Variants in MAPT observed in about 807,000 individuals in gnomAD.
MAPT encodes the protein microtubule associated protein tau, also known as microtubule-associated protein tau.
Under a neutral mutation model 67.9 loss-of-function variants are expected in MAPT, and 34 were observed. The ratio of observed to expected loss-of-function variants is 0.50; its 90% confidence interval spans 0.38 to 0.67. MAPT has a LOEUF of 0.67. Among genes scored for constraint, MAPT ranks in the 30% least tolerant of loss-of-function variants. MAPT has a pLI of 0.00. For missense variants in MAPT, 881 were observed against 1,115.2 expected (o/e 0.79, Z 2.99); for synonymous variants, 456 against 464.5 (o/e 0.98, Z 0.23).
intron 1 of MAPT, among the ~76,000 whole-genome samples, chr17:45,900,541 A>G (rs2063547051): frequency 6.6e-6 from 1 of 152,180 alleles, no homozygotes; most frequent in Non-Finnish European, 1.5e-5. Flanking sequence ...GCTGAGCCCA[A>G]TCAGGGACCC....
At chr17:46,014,455 G>A in intron 11 of MAPT, 131 bp downstream of exon 11, 1 of 740,166 alleles carries the variant, frequency 1.4e-6, no homozygotes. Flanking sequence ...ATCAAGGAAA[G>A]TGTTGAGTGT....
At chr17:45,978,621 T>C (rs2072630806) in intron 4 of MAPT, 181 bp downstream of exon 4, 2 of 594,306 alleles carry the variant, frequency 3.4e-6, no homozygotes, top group Admixed American at 6.0e-5. Context: ...GTGGTTTTTT[T>C]CTAATACCAT....
intron 1 of MAPT, among the ~76,000 whole-genome samples, chr17:45,961,844 C>T (rs913725309): frequency 9.9e-5 from 15 of 151,356 alleles, no homozygotes; most frequent in Admixed American, 4.6e-4. Context: ...GGTGTAATCT[C>T]AGCTCACTGC....
At chr17:46,004,266 T>G (rs1432305518) in intron 9 of MAPT, among the ~76,000 whole-genome samples, 1 of 152,196 alleles carries the variant, frequency 6.6e-6, no homozygotes, top group African/African-American at 2.4e-5. Flanking sequence ...TGGAACAGCC[T>G]TGAGAGAACT....
At chr17:45,929,144 A>G (rs1175252830) in intron 1 of MAPT, among the ~76,000 whole-genome samples, 2 of 152,196 alleles carry the variant, frequency 1.3e-5, no homozygotes, top group Non-Finnish European at 2.9e-5. Flanking sequence ...CCTCCCTAGA[A>G]GATAGGATGG....
intron 1 of MAPT, among the ~76,000 whole-genome samples, chr17:45,934,866 C>T (rs1029300740): frequency 6.6e-6 from 1 of 151,102 alleles, no homozygotes; most frequent in African/African-American, 2.4e-5. Context: ...GACCCTGGAC[C>T]TATGGCCTTT....
chr17:45,954,122 G>T (rs2145163971), intron 1 of MAPT, among the ~76,000 whole-genome samples: 1 of 152,298 alleles, frequency 6.6e-6, no homozygotes, highest in East Asian at 1.9e-4. Context: ...TTTTTAAGTG[G>T]TTGAAAAATG....
chr17:46,013,530 G>T (rs2075965008), intron 10 of MAPT, among the ~76,000 whole-genome samples: 2 of 152,224 alleles, frequency 1.3e-5, no homozygotes, highest in African/African-American at 4.8e-5. Flanking sequence ...GTTGGTTTCT[G>T]CTGTGCCACC....
Position 45,996,327 on chromosome 17 carries a change from C to T in MAPT, c.1733-72C>T, listed in dbSNP as rs939112845. The T allele has an allele frequency of 6.5e-7, 1 of 1,550,346 alleles. No homozygotes were observed. The highest frequency in any genetic ancestry group is 1.7e-5 in the Admixed American group (1 of 59,844). ...TGAGCCTGGGAATGGACCCACGGGA[C>T]AGGCAGCCCCCAGGGCCTTTTCTGA... On this transcript the variant is annotated intron_variant, in intron 8 of 12. Coordinates refer to ENST00000262410, the MANE Select transcript of MAPT (RefSeq NM_001377265.1). This position sits in a 1 kb window ranked among gnomAD's most constrained non-coding sequence, Gnocchi z 4.5.
chr17:46,004,534 T>C (rs1399805804), intron 9 of MAPT, among the ~76,000 whole-genome samples: 1 of 152,196 alleles, frequency 6.6e-6, no homozygotes, highest in Non-Finnish European at 1.5e-5. Flanking sequence ...GTAATATATA[T>C]GTTACTGTAG....
chr17:45,932,613 AAAG>A (rs1168131343), intron 1 of MAPT, among the ~76,000 whole-genome samples: 1 of 151,650 alleles, frequency 6.6e-6, no homozygotes, highest in Non-Finnish European at 1.5e-5. Context: ...AAAAAAAAAA[AAAG>A]AACTTACTCT....
At chr17:45,993,220 G>A (rs773023929) in intron 8 of MAPT, among the ~76,000 whole-genome samples, 3 of 152,232 alleles carry the variant, frequency 2.0e-5, no homozygotes, top group Admixed American at 6.5e-5. Context: ...GCCGTGCAGT[G>A]GCACCCCCAA....
At chr17:45,965,684 G>C (rs1461484388) in intron 2 of MAPT, among the ~76,000 whole-genome samples, 1 of 151,716 alleles carries the variant, frequency 6.6e-6, no homozygotes, top group African/African-American at 2.4e-5. Flanking sequence ...CCAAAGTGCT[G>C]GGATTGCAGG....
At chr17:46,012,519 G>A (rs561309158) in intron 10 of MAPT, among the ~76,000 whole-genome samples, 22 of 152,208 alleles carry the variant, frequency 1.4e-4, no homozygotes, top group Non-Finnish European at 2.8e-4. Flanking sequence ...CTGGCATCTG[G>A]GGGCACTGGA....
Position 45,996,497 on chromosome 17 carries a change from C to G in MAPT, c.1831C>G (p.Pro611Ala). The part of the protein sequence containing the change: ...RSRTPSLPTP[P>A]TREPKKVAVV... Reference sequence around the variant, plus strand: ...CCGCACCCCGTCCCTTCCAACCCCACCCACCCGGGAGCCCAAGAAGGTGGC... The same window carrying G: ...CCGCACCCCGTCCCTTCCAACCCCAGCCACCCGGGAGCCCAAGAAGGTGGC... Residue 611 changes from proline (P) to alanine (A), a missense_variant, in exon 9 of 13, where the codon CCC (proline) becomes GCC (alanine). Around this residue, in one of 6 missense-constraint regions of MAPT, gnomAD observed 33 missense variants for 76.0 expected, o/e 0.43. Transcript: ENST00000262410. This position sits in a 1 kb window ranked among gnomAD's most constrained non-coding sequence, Gnocchi z 4.5. The G allele has an allele frequency of 6.2e-7, 1 of 1,613,508 alleles. No individual in the cohort carries two copies.
At chr17:45,929,221 A>G (rs1444633249) in intron 1 of MAPT, among the ~76,000 whole-genome samples, 1 of 152,200 alleles carries the variant, frequency 6.6e-6, no homozygotes, top group South Asian at 2.1e-4. Flanking sequence ...TTTCATTTCA[A>G]TCAAGCTCTG....
At chr17:46,014,209 T>C in intron 10 of MAPT, 34 bp from the exon 11 acceptor site, 1 of 1,288,460 alleles carries the variant, frequency 7.8e-7, no homozygotes, top group African/African-American at 1.5e-5. Context: ...TCTCTCTGCC[T>C]TTCCTCTTCT....
At chr17:45,970,720 A>G (rs1353547846) in intron 2 of MAPT, among the ~76,000 whole-genome samples, 1 of 152,218 alleles carries the variant, frequency 6.6e-6, no homozygotes. Flanking sequence ...CCTGACCAGA[A>G]AGAAGTGGAA....
In MAPT at chr17:45,941,684, T is replaced by TTCCTTCCTTCCCTCCTTCCTTCCTTCCC. The variant is rs769018688; in HGVS notation, c.-17-20626_-17-20625insCTCCTTCCTTCCTTCCCTCCTTCCTTCC. ...CTTCCCCCCTTCCCCCCTTCCCTCC[T>TTCCTTCCTTCCCTCCTTCCTTCCTTCCC]TCCTTCCTTCCTTCCTGCCTGCCTT... On this transcript the variant is annotated intron_variant, in intron 1 of 12. Transcript: ENST00000262410. Among the ~76,000 whole-genome samples the TTCCTTCCTTCCCTCCTTCCTTCCTTCCC allele has an allele frequency of 2.0e-3, 105 of 51,452 alleles. 2 individuals are homozygous for TTCCTTCCTTCCCTCCTTCCTTCCTTCCC. Among genetic ancestry groups the TTCCTTCCTTCCCTCCTTCCTTCCTTCCC allele is most frequent in the Non-Finnish European group, 2.7e-3 (79 of 29,078 alleles). 33.8% of individuals were successfully genotyped at this position (51,452 alleles called of 152,430 possible).
Sources: allele counts gnomAD v4.1 joint callset (sites outside exome capture counted in the v4.1 genomes callset), GRCh38; gene constraint gnomAD v4.1.1; regional missense constraint gnomAD v4.1.1; non-coding constraint Gnocchi (gnomAD v3.1); transcripts MANE v1.5; gene names NCBI Gene and HGNC (gene_info 2026-07-23, HGNC 2026-07-21).